RABGAP1L: variants seen among roughly 807,000 people sequenced by gnomAD.
RABGAP1L encodes the protein rab GTPase-activating protein 1-like.
Under a neutral mutation model 137.7 loss-of-function variants are expected in RABGAP1L, and 63 were observed. That is an observed-to-expected ratio of 0.46 (90% CI 0.37 to 0.56). RABGAP1L has a LOEUF of 0.56. RABGAP1L is among the 20% of genes least tolerant of loss of function. RABGAP1L has a pLI of 0.00. For synonymous variants in RABGAP1L, 431 were observed against 433.7 expected, an observed-to-expected ratio of 0.99 and a Z score of 0.08; for missense variants, 1,095 against 1,244.0, an observed-to-expected ratio of 0.88 and a Z score of 1.80.
intron 23 of RABGAP1L, among the ~76,000 whole-genome samples, chr1:174,979,332 A>G (rs1670903642): frequency 6.6e-6 from 1 of 152,246 alleles, no homozygotes. Flanking sequence ...CACTGGTTGG[A>G]CATACTTATA....
chr1:174,607,451 C>T (rs1670873347), intron 13 of RABGAP1L, among the ~76,000 whole-genome samples: 1 of 152,150 alleles, frequency 6.6e-6, no homozygotes, highest in African/African-American at 2.4e-5. Flanking sequence ...CTCCATCTCT[C>T]CCTAACTGTT....
chr1:174,633,507 T>G (rs1217132186), intron 13 of RABGAP1L, among the ~76,000 whole-genome samples: 17 of 151,162 alleles, frequency 1.1e-4, no homozygotes, highest in Non-Finnish European at 1.5e-5. Flanking sequence ...TACCAATGAC[T>G]TTCTTCACAG....
rs556050710 is a variant in RABGAP1L, at chr1:174,662,396, G to A, written c.1825-21126G>A. Among the ~76,000 whole-genome samples, 13 of 151,182 alleles carry A rather than the reference G, an allele frequency of 8.6e-5. 1 individual carries two copies. The South Asian group carries it at 1.9e-3, about 22-fold the overall frequency. ...TGGGATTACAGGCGTGAGCCACCGC[G>A]CCTGGCCTGGTTGTTTGTTTGTTTG... is the stretch of plus-strand genomic sequence containing the variant. On this transcript the variant is annotated intron_variant, in intron 14 of 25. Coordinates refer to ENST00000681986, the MANE Select transcript of RABGAP1L (RefSeq NM_001366446.1).
chr1:174,605,973 C>G (rs1233394589), intron 13 of RABGAP1L, among the ~76,000 whole-genome samples: 1 of 152,132 alleles, frequency 6.6e-6, no homozygotes, highest in Admixed American at 6.6e-5. Context: ...TTTGTTCTTG[C>G]TTCAATTTTG....
chr1:174,865,679 T>A (rs1177288274), intron 19 of RABGAP1L, among the ~76,000 whole-genome samples: 1 of 152,142 alleles, frequency 6.6e-6, no homozygotes, highest in African/African-American at 2.4e-5. Flanking sequence ...CTTGTGCCTG[T>A]GGTCCCACCC....
At chr1:174,910,257 C>T (rs1659841392) in intron 19 of RABGAP1L, among the ~76,000 whole-genome samples, 1 of 152,154 alleles carries the variant, frequency 6.6e-6, no homozygotes, top group East Asian at 1.9e-4. Flanking sequence ...TGGTACATCA[C>T]ATGGACAGAA....
chr1:174,910,536 C>T (rs75819098), intron 19 of RABGAP1L, among the ~76,000 whole-genome samples: 3,210 of 151,952 alleles, frequency 0.021, 51 homozygotes, highest in Middle Eastern at 0.078. Flanking sequence ...TTTTTTTCAA[C>T]GTAACAGTGG....
chr1:174,536,802 C>T (rs75002643), intron 13 of RABGAP1L, among the ~76,000 whole-genome samples: 1 of 152,090 alleles, frequency 6.6e-6, no homozygotes, highest in African/African-American at 2.4e-5. Context: ...AGAGTACCGG[C>T]ATTAATGACA....
At chr1:174,189,497 G>A (rs867653734) in intron 1 of RABGAP1L, among the ~76,000 whole-genome samples, 5 of 152,082 alleles carry the variant, frequency 3.3e-5, no homozygotes, top group East Asian at 3.8e-4. Flanking sequence ...CTCGCTTATC[G>A]TTTGAATATT....
At chr1:174,414,841 A>G (rs1336693585) in intron 13 of RABGAP1L, among the ~76,000 whole-genome samples, 1 of 152,090 alleles carries the variant, frequency 6.6e-6, no homozygotes, top group Non-Finnish European at 1.5e-5. Flanking sequence ...TGCACACCTC[A>G]AAATATGACC....
At chr1:174,238,443 T>G (rs555011879) in intron 4 of RABGAP1L, among the ~76,000 whole-genome samples, 2 of 152,266 alleles carry the variant, frequency 1.3e-5, no homozygotes, top group South Asian at 4.1e-4. Flanking sequence ...ACAGATGGGT[T>G]TTTGGTGTGG....
At chr1:174,340,187 T>A (rs1297304015) in intron 11 of RABGAP1L, among the ~76,000 whole-genome samples, 3 of 152,250 alleles carry the variant, frequency 2.0e-5, no homozygotes, top group Non-Finnish European at 4.4e-5. Context: ...TGCCAAGAAT[T>A]AAGTGAACAT....
rs146416415 is a variant in RABGAP1L, at chr1:174,742,469, A to G, written c.2170-9844A>G. 6.2e-3 allele frequency among the ~76,000 whole-genome samples: 944 copies of G among 152,296 alleles called. 6 individuals carry two copies. The highest frequency in any genetic ancestry group is 0.01 in the Middle Eastern group (3 of 294). ...GAGGCGGAGGTTGCAGTGAGCTGAG[A>G]TCGCGCCACTGCACTCCAGCCTAAG... On this transcript the variant is annotated intron_variant, in intron 17 of 25. Transcript: ENST00000681986.
chr1:174,315,127 T>C (rs549617791), intron 11 of RABGAP1L, among the ~76,000 whole-genome samples: 95 of 152,264 alleles, frequency 6.2e-4, no homozygotes, highest in African/African-American at 2.1e-3. Flanking sequence ...ATCTTTCTCT[T>C]TAGCTCTAAT....
chr1:174,988,268 T>G (rs1448133403), intron 24 of RABGAP1L, among the ~76,000 whole-genome samples: 2 of 152,196 alleles, frequency 1.3e-5, no homozygotes, highest in Admixed American at 1.3e-4. Flanking sequence ...GAAATGAGGA[T>G]GATGATAGTG....
intron 11 of RABGAP1L, among the ~76,000 whole-genome samples, chr1:174,343,483 A>T (rs891717284): frequency 6.6e-6 from 1 of 152,196 alleles, no homozygotes; most frequent in Non-Finnish European, 1.5e-5. Context: ...TCTAGTTCAC[A>T]ATAAATATCT....
chr1:174,372,958 G>A (rs917438082), intron 12 of RABGAP1L, among the ~76,000 whole-genome samples: 9 of 152,122 alleles, frequency 5.9e-5, no homozygotes, highest in African/African-American at 2.2e-4. Context: ...CCAATTCCCA[G>A]ATGTTCCAGC....
At chr1:174,543,771 C>G (rs1397743337) in intron 13 of RABGAP1L, among the ~76,000 whole-genome samples, 1 of 152,158 alleles carries the variant, frequency 6.6e-6, no homozygotes, top group African/African-American at 2.4e-5. Flanking sequence ...CCTTCAGGAG[C>G]TCTTGTAAGG....
intron 13 of RABGAP1L, among the ~76,000 whole-genome samples, chr1:174,421,834 T>C (rs1651334806): frequency 6.6e-6 from 1 of 152,216 alleles, no homozygotes; most frequent in Non-Finnish European, 1.5e-5. Context: ...AGTGGCACGA[T>C]CTCGGCTCAC....
Sources: allele counts gnomAD v4.1 joint callset (sites outside exome capture counted in the v4.1 genomes callset), GRCh38; gene constraint gnomAD v4.1.1; transcripts MANE v1.5; gene names NCBI Gene and HGNC (gene_info 2026-07-23, HGNC 2026-07-21).